COL25A1: variants seen among roughly 807,000 people sequenced by gnomAD.
The protein encoded by COL25A1 is collagen alpha-1(XXV) chain.
A neutral mutation model predicts 128.4 loss-of-function variants in COL25A1; 103 were observed. That is an observed-to-expected ratio of 0.80 (90% CI 0.68 to 0.94). COL25A1 has a LOEUF of 0.94. COL25A1 is among the 40% of genes least tolerant of loss of function. The pLI, the probability that COL25A1 is intolerant of heterozygous loss-of-function variation, is 0.00. For synonymous variants in COL25A1, 279 were observed against 277.2 expected (o/e 1.01, Z -0.06); for missense variants, 745 against 840.0 (o/e 0.89, Z 1.40).
At chr4:109,153,147 A>G (rs1240817023) in intron 3 of COL25A1, among the ~76,000 whole-genome samples, 2 of 152,126 alleles carry the variant, frequency 1.3e-5, no homozygotes, top group African/African-American at 4.8e-5. Flanking sequence ...GCACTTTGGG[A>G]GGCCGAGGTG....
intron 22 of COL25A1, 118 bp from the exon 23 acceptor site, chr4:108,861,089 A>G: frequency 2.6e-6 from 2 of 783,944 alleles, no homozygotes; most frequent in Non-Finnish European, 4.3e-6. Flanking sequence ...GAAGTGAAAA[A>G]CAACAGCAAC....
At chr4:109,234,982 C>A (rs7693041) in intron 3 of COL25A1, among the ~76,000 whole-genome samples, 71,669 of 151,730 alleles carry the variant, frequency 0.47, 17,724 homozygotes, top group African/African-American at 0.57. Flanking sequence ...CTCTGAGAAA[C>A]AGATAAATAA....
intron 3 of COL25A1, among the ~76,000 whole-genome samples, chr4:109,089,575 T>C (rs1414704701): frequency 6.6e-6 from 1 of 152,196 alleles, no homozygotes; most frequent in African/African-American, 2.4e-5. Flanking sequence ...ATAGGACAGT[T>C]ACATCTATTA....
At chr4:108,978,139 AC>A (rs1428914142) in intron 6 of COL25A1, among the ~76,000 whole-genome samples, 3 of 152,242 alleles carry the variant, frequency 2.0e-5, no homozygotes, top group African/African-American at 7.2e-5. Context: ...ATTTGCATCT[AC>A]AATTGAGCAA....
At chr4:108,944,063 GT>G (rs765095600) in intron 8 of COL25A1, among the ~76,000 whole-genome samples, 21 of 152,136 alleles carry the variant, frequency 1.4e-4, no homozygotes, top group Non-Finnish European at 2.6e-4. Context: ...AGTAAAATTA[GT>G]TTGTAGTCTG....
chr4:108,901,523 T>G (rs1742857715), intron 13 of COL25A1, among the ~76,000 whole-genome samples: 1 of 152,094 alleles, frequency 6.6e-6, no homozygotes, highest in Non-Finnish European at 1.5e-5. Flanking sequence ...GGCAAAAAAC[T>G]TTTAAGTGAT....
chr4:109,295,957 T>C (rs1052979580), intron 3 of COL25A1, among the ~76,000 whole-genome samples: 4 of 151,764 alleles, frequency 2.6e-5, no homozygotes, highest in Non-Finnish European at 4.4e-5. Context: ...CTGTGTTACA[T>C]TGAATGATTA....
At chr4:109,114,956 A>T (rs3108948) in intron 3 of COL25A1, among the ~76,000 whole-genome samples, 128,054 of 152,036 alleles carry the variant, frequency 0.84, 54,477 homozygotes, top group East Asian at 1. Context: ...AAAATCAAAC[A>T]ACAGTCAAAT....
At chr4:109,051,664 T>C (rs752128182) in intron 3 of COL25A1, among the ~76,000 whole-genome samples, 2 of 149,620 alleles carry the variant, frequency 1.3e-5, no homozygotes, top group Non-Finnish European at 3.0e-5. Context: ...TAATCTGATA[T>C]ATAAAACTTC....
At chr4:108,865,215 G>A (rs1042685885) in intron 20 of COL25A1, among the ~76,000 whole-genome samples, 2 of 152,176 alleles carry the variant, frequency 1.3e-5, no homozygotes, top group Non-Finnish European at 2.9e-5. Flanking sequence ...ATGGATGAAA[G>A]AGGTGCTCTC....
chr4:109,052,089 GC>G (rs1761053294), intron 3 of COL25A1, among the ~76,000 whole-genome samples: 1 of 152,074 alleles, frequency 6.6e-6, no homozygotes, highest in Non-Finnish European at 1.5e-5. Flanking sequence ...TAGCTTATTT[GC>G]CATTTTCTCC....
chr4:109,298,368 C>T (rs1578670339), intron 3 of COL25A1, among the ~76,000 whole-genome samples: 1 of 152,276 alleles, frequency 6.6e-6, no homozygotes. Context: ...CACATCATTG[C>T]TTCTTTGCTA....
At chr4:109,187,144 CT>C (rs1317005619) in intron 3 of COL25A1, among the ~76,000 whole-genome samples, 5 of 139,224 alleles carry the variant, frequency 3.6e-5, no homozygotes, top group Admixed American at 7.5e-5. Context: ...GCGATTATAC[CT>C]TTTTTTAATA....
At chr4:109,300,198 T>C (rs80260267) in intron 3 of COL25A1, among the ~76,000 whole-genome samples, 5 of 145,038 alleles carry the variant, frequency 3.4e-5, no homozygotes, top group Admixed American at 3.4e-4. Flanking sequence ...AAAAAAAAAC[T>C]CTGCACTAAC....
intron 3 of COL25A1, among the ~76,000 whole-genome samples, chr4:109,222,251 C>T (rs568593124): frequency 6.6e-6 from 1 of 151,432 alleles, no homozygotes; most frequent in East Asian, 2.0e-4. Flanking sequence ...TTTGGTAGAG[C>T]CGGGGTTTCA....
chr4:109,123,128 AT>A (rs1403973841), intron 3 of COL25A1, among the ~76,000 whole-genome samples: 1 of 152,100 alleles, frequency 6.6e-6, no homozygotes, highest in Non-Finnish European at 1.5e-5. Flanking sequence ...AAAGATATCT[AT>A]TTGATACCTT....
At chr4:109,150,550 A>AT in intron 3 of COL25A1, among the ~76,000 whole-genome samples, 1 of 152,280 alleles carries the variant, frequency 6.6e-6, no homozygotes, top group African/African-American at 2.4e-5. Context: ...TATCTAATTT[A>AT]TTTTAACAGT....
intron 36 of COL25A1, 35 bp downstream of exon 36, chr4:108,819,217 T>G: frequency 6.7e-7 from 1 of 1,493,524 alleles, no homozygotes; most frequent in Non-Finnish European, 9.2e-7. Context: ...ACAAAGGAAC[T>G]GCATGCAGGG....
At chr4:109,117,033 TAACA>T (rs1767642029) in intron 3 of COL25A1, among the ~76,000 whole-genome samples, 2 of 151,242 alleles carry the variant, frequency 1.3e-5, no homozygotes, top group African/African-American at 4.8e-5. Context: ...TACGGAAGTG[TAACA>T]TGCGTAATAG....
Sources: allele counts gnomAD v4.1 joint callset (sites outside exome capture counted in the v4.1 genomes callset), GRCh38; gene constraint gnomAD v4.1.1; transcripts MANE v1.5; gene names NCBI Gene and HGNC (gene_info 2026-07-23, HGNC 2026-07-21).